Variants in NFIA observed in about 807,000 individuals in gnomAD.
The protein encoded by NFIA is nuclear factor 1 A-type.
NFIA carries 8 observed loss-of-function variants against 62.8 expected under a neutral mutation model. The ratio of observed to expected loss-of-function variants is 0.13; its 90% CI spans 0.07 to 0.23. The LOEUF (loss-of-function observed/expected upper bound fraction) is 0.23, where lower values mean the gene tolerates loss of function less well. Among genes scored for constraint, NFIA ranks in the 10% least tolerant of loss-of-function variants. The probability of loss-of-function intolerance (pLI) is 1.00; values close to 1 mark genes in which losing one functional copy is unlikely to be tolerated. For missense variants in NFIA, 410 were observed against 642.1 expected, an observed-to-expected ratio of 0.64 and a Z score of 3.91; for synonymous variants, 235 against 238.1, an observed-to-expected ratio of 0.99 and a Z score of 0.12.
intron 4 of NFIA, among the ~76,000 whole-genome samples, chr1:61,339,303 G>A (rs7524488): frequency 2.6e-5 from 4 of 152,026 alleles, no homozygotes; most frequent in Admixed American, 2.6e-4. Context: ...CAAAAGAGTG[G>A]GTGGCCCTTT....
chr1:61,261,020 T>A (rs1656741395), intron 2 of NFIA, among the ~76,000 whole-genome samples: 1 of 152,224 alleles, frequency 6.6e-6, no homozygotes, highest in African/African-American at 2.4e-5. Context: ...TTTGAAGTCA[T>A]TTGTTTCTTA....
chr1:61,326,933 A>G (rs528603166), intron 3 of NFIA, among the ~76,000 whole-genome samples: 27 of 152,040 alleles, frequency 1.8e-4, no homozygotes, highest in South Asian at 1.2e-3. Flanking sequence ...GAGAATAAAC[A>G]AGAGGCTATA....
chr1:61,442,643 G>A (rs1375457926), intron 10 of NFIA, among the ~76,000 whole-genome samples: 1 of 149,816 alleles, frequency 6.7e-6, no homozygotes, highest in Non-Finnish European at 1.5e-5. Flanking sequence ...GGGGTCCAAA[G>A]GACAGTGGAA....
intron 2 of NFIA, among the ~76,000 whole-genome samples, chr1:61,101,194 G>A (rs140113823): frequency 0.016 from 2,478 of 151,936 alleles, 70 homozygotes; most frequent in African/African-American, 0.057. Context: ...TCGGGAGTTC[G>A]AGATCAGCCT....
intron 2 of NFIA, among the ~76,000 whole-genome samples, chr1:61,234,886 T>A (rs1221349904): frequency 2.0e-5 from 3 of 152,186 alleles, no homozygotes; most frequent in African/African-American, 7.2e-5. Context: ...AGTGGCTACA[T>A]CTGCATTGTT....
intron 10 of NFIA, among the ~76,000 whole-genome samples, chr1:61,453,796 TCTC>T (rs1363524377): frequency 6.6e-6 from 1 of 152,218 alleles, no homozygotes; most frequent in Non-Finnish European, 1.5e-5. Flanking sequence ...TTGCTTTCTC[TCTC>T]CTTTCTCTCC....
chr1:61,452,248 T>C (rs1379058845), intron 10 of NFIA, among the ~76,000 whole-genome samples: 1 of 117,600 alleles, frequency 8.5e-6, no homozygotes, highest in African/African-American at 3.4e-5. Flanking sequence ...TTCAGGGAGA[T>C]GTATGAATTA....
intron 4 of NFIA, among the ~76,000 whole-genome samples, chr1:61,338,399 C>T (rs1661730358): frequency 6.6e-6 from 1 of 152,156 alleles, no homozygotes; most frequent in African/African-American, 2.4e-5. Context: ...GAGGTGGCAC[C>T]CTAGTGGCTG....
rs1462687741 is a variant in NFIA at position 61,416,549 on chromosome 1, C to T, written c.1420+9822C>T. Among the ~76,000 whole-genome samples, 4 of 152,044 alleles carry T rather than the reference C, an allele frequency of 2.6e-5. No individual in the cohort carries two copies. The East Asian group carries it at 7.7e-4, about 29-fold the overall frequency. ...GGTTGCAGGTTCTGCCTTACGAACC[C>T]ATTAAATATAAATGTACTTGTACTA... On this transcript the variant is annotated intron_variant, in intron 9 of 10. Transcript: ENST00000403491.
Position 61,404,193 on chromosome 1 carries a change from C to A in NFIA, c.1165C>A (p.Arg389Ser). Residue 389 changes from arginine to serine, a missense_variant, in exon 8 of 11, where the codon CGC (arginine) becomes AGC (serine). Arg to Ser is a moderately radical substitution (Grantham distance 110, BLOSUM62 -1). Coordinates refer to ENST00000403491, the MANE Select transcript of NFIA (RefSeq NM_001134673.4). ...GCCTTACTTCTCACACCCAGCCATC[C>A]GCTATCACCCTCAGGAGACGCTGAA... is the stretch of plus-strand genomic sequence containing the variant. ...PGPYFSHPAI[R>S]YHPQETLKEF... The A allele has an allele frequency of 6.2e-7, 1 of 1,614,218 alleles. No individual in the cohort carries two copies. Among genetic ancestry groups the A allele is most frequent in the Non-Finnish European group, 8.5e-7 (1 of 1,180,040 alleles).
At chr1:61,168,233 G>A (rs1649715908) in intron 2 of NFIA, among the ~76,000 whole-genome samples, 1 of 152,158 alleles carries the variant, frequency 6.6e-6, no homozygotes, top group African/African-American at 2.4e-5. Flanking sequence ...AAGACCAGTT[G>A]TGATTTTTAA....
chr1:61,159,405 G>T (rs1317344819), intron 2 of NFIA, among the ~76,000 whole-genome samples: 2 of 152,134 alleles, frequency 1.3e-5, no homozygotes, highest in African/African-American at 4.8e-5. Flanking sequence ...ATCAACTGGG[G>T]ATCTTGTTAA....
intron 9 of NFIA, among the ~76,000 whole-genome samples, chr1:61,420,419 G>A (rs1249539891): frequency 5.3e-5 from 8 of 151,588 alleles, no homozygotes; most frequent in Middle Eastern, 3.2e-3. Flanking sequence ...TAAAAGATTC[G>A]GGACATTATT....
Position 61,083,772 on chromosome 1 carries a change from G to GCCA in NFIA, c.27+966_27+968dup, listed in dbSNP as rs547679724. On this transcript the variant is annotated intron_variant, in intron 1 of 10. Coordinates refer to ENST00000403491, the MANE Select transcript of NFIA (RefSeq NM_001134673.4). ...CACGGCTCCCCCCGCCGCCGCCGCC[G>GCCA]CCACCACCACCACCGCCACCGCGCG... Among the ~76,000 whole-genome samples, 1,177 of 151,158 alleles carry GCCA rather than the reference G, an allele frequency of 7.8e-3. 16 individuals carry two copies. The highest frequency in any genetic ancestry group is 0.026 in the African/African-American group (1,086 of 41,382).
intron 2 of NFIA, among the ~76,000 whole-genome samples, chr1:61,254,245 T>A: frequency 6.6e-6 from 1 of 152,270 alleles, no homozygotes; most frequent in East Asian, 1.9e-4. Context: ...TCCACTGTTG[T>A]TTTTGGAGAA....
At chr1:61,079,572 T>G (rs1056207624), upstream of NFIA, among the ~76,000 whole-genome samples, 1 of 152,222 alleles carries the variant, frequency 6.6e-6, no homozygotes. Context: ...GGCAGCCTCC[T>G]ACCACTTGGA....
chr1:61,388,439 G>A (rs992825389), intron 7 of NFIA, among the ~76,000 whole-genome samples: 1 of 152,096 alleles, frequency 6.6e-6, no homozygotes, highest in African/African-American at 2.4e-5. Context: ...ATGATCTGAA[G>A]GGTCTAACTT....
rs11420345 is a variant in NFIA at position 61,423,242 on chromosome 1, T to TAA, written c.1421-3211_1421-3210dup. On this transcript the variant is annotated intron_variant, in intron 9 of 10. Transcript: ENST00000403491. The stretch of plus-strand genomic sequence containing the variant: ...TTGCTAATATAGGTAAAATGGCTGC[T>TAA]AAAAAAAAAAAAAGCAAACACTTTC... Among the ~76,000 whole-genome samples the TAA allele has an allele frequency of 1.6e-3, 226 of 143,474 alleles. 3 individuals are homozygous for TAA. Among genetic ancestry groups the TAA allele is most frequent in the South Asian group, 2.0e-3 (9 of 4,556 alleles). The allele number at this position is 143,474 out of a possible 152,430, so 94.1% of individuals were successfully genotyped here.
chr1:61,411,993 C>A (rs1221278987), intron 9 of NFIA, among the ~76,000 whole-genome samples: 1 of 151,866 alleles, frequency 6.6e-6, no homozygotes, highest in Non-Finnish European at 1.5e-5. Context: ...CTTATAAGGA[C>A]TTCAGCATTT....
Sources: gnomAD v4.1 joint callset for allele counts (sites outside exome capture counted in the v4.1 genomes callset) on GRCh38, gnomAD v4.1.1 for gene constraint, MANE v1.5 for transcripts, NCBI Gene and HGNC (gene_info 2026-07-23, HGNC 2026-07-21) for gene names.